ZC3H7B: variants seen among roughly 807,000 people sequenced by gnomAD.
ZC3H7B encodes zinc finger CCCH domain-containing protein 7B.
ZC3H7B carries 35 observed loss-of-function variants against 116.0 expected under a neutral mutation model. That is an observed-to-expected ratio of 0.30 (90% CI 0.23 to 0.40). The LOEUF is 0.40. Among genes scored for constraint, ZC3H7B ranks in the 10% least tolerant of loss-of-function variants. The pLI is 1.00. For missense variants in ZC3H7B, 1,011 were observed against 1,321.5 expected, an observed-to-expected ratio of 0.77 and a Z score of 3.64; for synonymous variants, 502 against 545.6, an observed-to-expected ratio of 0.92 and a Z score of 1.11.
In ZC3H7B at chr22:41,339,837, T is replaced by C. The variant is rs1388558457; in HGVS notation, c.838T>C (p.Ser280Pro). 4 of 1,605,764 alleles carry C rather than the reference T, an allele frequency of 2.5e-6. No homozygotes were observed. The Admixed American group carries it at 5.0e-5, about 20-fold the overall frequency. ...DSLSLVQGGLSGSGVPSELPQ... is the reference protein window; with the variant it reads ...DSLSLVQGGLPGSGVPSELPQ... Reference sequence around the variant, plus strand: ...ATAGTCTCTGGTCCAGGGTGGCCTGTCTGGCAGCGGCGTGCCTAGTGAGTT... The same window carrying C: ...ATAGTCTCTGGTCCAGGGTGGCCTGCCTGGCAGCGGCGTGCCTAGTGAGTT... The change falls in exon 10 of 23, where the codon TCT (serine) becomes CCT (proline). Residue 280 changes from serine (S) to proline (P), a missense_variant. Ser to Pro is a moderately conservative substitution (Grantham distance 74). Around this residue, in one of 5 missense-constraint regions of ZC3H7B, gnomAD observed 322 missense variants for 443.9 expected, o/e 0.73. Coordinates refer to ENST00000352645, the MANE Select transcript of ZC3H7B (RefSeq NM_017590.6).
At chr22:41,317,882 CT>C (rs1232744816) in intron 1 of ZC3H7B, among the ~76,000 whole-genome samples, 4 of 152,194 alleles carry the variant, frequency 2.6e-5, no homozygotes, top group Non-Finnish European at 4.4e-5. Context: ...GTTAATCAGG[CT>C]GCCTGATGCC....
intron 2 of ZC3H7B, among the ~76,000 whole-genome samples, chr22:41,321,878 C>T (rs1341111426): frequency 5.5e-5 from 6 of 109,534 alleles, no homozygotes; most frequent in South Asian, 6.3e-4. Context: ...CTCGCTCTGT[C>T]GCCCAGGCTG....
rs544549592 is a variant in ZC3H7B, at chr22:41,316,415, C to T, written c.-6-4240C>T. Among the ~76,000 whole-genome samples, 13 of 150,546 alleles carry T rather than the reference C, an allele frequency of 8.6e-5. No homozygotes were observed. In the South Asian group the frequency reaches 1.7e-3, roughly 19 times the overall value. On this transcript the variant is annotated intron_variant, in intron 1 of 22. Coordinates refer to ENST00000352645, the MANE Select transcript of ZC3H7B (RefSeq NM_017590.6). ...GGTTCAAGCAATTCTCCAGCATCACCGTCCGGAGAAGCTGGGATTACAGGC... is the reference window on the plus strand; with the variant it reads ...GGTTCAAGCAATTCTCCAGCATCACTGTCCGGAGAAGCTGGGATTACAGGC...
At chr22:41,318,781 G>A (rs181322614) in intron 1 of ZC3H7B, among the ~76,000 whole-genome samples, 30 of 152,080 alleles carry the variant, frequency 2.0e-4, no homozygotes, top group Admixed American at 1.7e-3. Flanking sequence ...TAATCTCTCT[G>A]ACCTTCCTAT....
intron 2 of ZC3H7B, among the ~76,000 whole-genome samples, chr22:41,322,128 C>T (rs1029414363): frequency 1.3e-5 from 2 of 151,530 alleles, no homozygotes; most frequent in African/African-American, 2.4e-5. Flanking sequence ...CGTGAGCCAC[C>T]GCGCCCGGCC....
intron 1 of ZC3H7B, among the ~76,000 whole-genome samples, chr22:41,313,320 C>T (rs908006100): frequency 1.3e-5 from 2 of 152,038 alleles, no homozygotes; most frequent in Non-Finnish European, 1.5e-5. Context: ...GGGGTTTCAC[C>T]GTGACGAGGT....
chr22:41,308,474 T>C (rs1281552857), intron 1 of ZC3H7B, among the ~76,000 whole-genome samples: 2 of 152,206 alleles, frequency 1.3e-5, no homozygotes, highest in South Asian at 4.1e-4. Flanking sequence ...ACTGATCCTG[T>C]CGAATCTGCA....
At chr22:41,318,610 A>G (rs566369032) in intron 1 of ZC3H7B, among the ~76,000 whole-genome samples, 1 of 150,980 alleles carries the variant, frequency 6.6e-6, no homozygotes, top group South Asian at 2.1e-4. Flanking sequence ...TTAGCGAGGC[A>G]TGGTGGCGCG....
chr22:41,319,113 A>G (rs1266289188), intron 1 of ZC3H7B, among the ~76,000 whole-genome samples: 1 of 152,136 alleles, frequency 6.6e-6, no homozygotes, highest in African/African-American at 2.4e-5. Flanking sequence ...TACTAAAAAT[A>G]CAAAAAGGCT....
At chr22:41,319,780 G>A (rs1166332989) in intron 1 of ZC3H7B, among the ~76,000 whole-genome samples, 1 of 152,130 alleles carries the variant, frequency 6.6e-6, no homozygotes, top group African/African-American at 2.4e-5. Flanking sequence ...TGTAATCCTA[G>A]CACTCTGGGG....
In ZC3H7B at chr22:41,356,769, C is replaced by G. The variant is rs543138343; in HGVS notation, c.2642C>G (p.Ala881Gly). Residue 881 changes from alanine to glycine, a missense_variant, in exon 22 of 23, where the codon GCC becomes GGC. Around this residue, in one of 5 missense-constraint regions of ZC3H7B, gnomAD observed 406 missense variants for 590.2 expected, o/e 0.69. Coordinates refer to ENST00000352645, the MANE Select transcript of ZC3H7B (RefSeq NM_017590.6). ...TCCGACAGTGACGCCAGCGGCTGGG[C>G]CTTCCGCTTCCCCATGGGCGAGTTC... ...FTSDSDASGW[A>G]FRFPMGEFRL... The G allele has an allele frequency of 3.1e-6, 5 of 1,613,538 alleles. No homozygotes were observed. The highest frequency in any genetic ancestry group is 2.2e-5 in the East Asian group (1 of 44,886).
Position 41,325,871 on chromosome 22 carries a change from C to G in ZC3H7B, c.238C>G (p.Leu80Val). ...ASDQVALPRE[L>V]LCKLHVNRAA... ...TGACCAGGTGGCCCTGCCCCGGGAG[C>G]TGCTGTGCAAGCTGCATGTCAATAG... Residue 80 changes from leucine (L) to valine (V), a missense_variant, in exon 4 of 23, where the codon CTG (leucine) becomes GTG (valine). Physicochemically the swap from Leu to Val is conservative, Grantham distance 32. Coordinates refer to ENST00000352645, the MANE Select transcript of ZC3H7B (RefSeq NM_017590.6). 6.2e-7 allele frequency: 1 copy of G among 1,611,704 alleles called. No homozygotes were observed. The highest frequency in any genetic ancestry group is 8.5e-7 in the Non-Finnish European group (1 of 1,179,514).
intron 9 of ZC3H7B, among the ~76,000 whole-genome samples, chr22:41,339,550 C>T (rs1014082693): frequency 2.0e-5 from 3 of 150,562 alleles, no homozygotes; most frequent in Non-Finnish European, 3.0e-5. Context: ...CGCTTGAACC[C>T]GGGAGGCGGA....
At chr22:41,311,164 G>A (rs575231927) in intron 1 of ZC3H7B, among the ~76,000 whole-genome samples, 7 of 150,752 alleles carry the variant, frequency 4.6e-5, no homozygotes, top group African/African-American at 1.2e-4. Context: ...TGGCATATGC[G>A]TTACACAGAT....
rs1186650971 is a variant in ZC3H7B, at chr22:41,316,595, C to G, written c.-6-4060C>G. The stretch of plus-strand genomic sequence containing the variant: ...AACAGCTGTAAGCCACCACACCTGG[C>G]CTTTTTTTTTTTTTTTTTTTTGAGA... On this transcript the variant is annotated intron_variant, in intron 1 of 22. Coordinates refer to ENST00000352645, the MANE Select transcript of ZC3H7B (RefSeq NM_017590.6). Among the ~76,000 whole-genome samples the G allele has an allele frequency of 3.8e-5, 4 of 104,316 alleles. 1 individual carries two copies. Among genetic ancestry groups the G allele is most frequent in the Admixed American group, 2.3e-4 (2 of 8,650 alleles). 68.4% of individuals were successfully genotyped at this position (104,316 alleles called of 152,430 possible).
At chr22:41,301,954 AT>A (rs1272986517) in intron 1 of ZC3H7B, among the ~76,000 whole-genome samples, 182 bp downstream of exon 1, 1 of 151,902 alleles carries the variant, frequency 6.6e-6, no homozygotes, top group African/African-American at 2.4e-5. Flanking sequence ...TTTGCAAAAA[AT>A]AAATCGTCTC....
Position 41,355,621 on chromosome 22 carries a change from G to C in ZC3H7B, c.2168+19G>C, listed in dbSNP as rs755345625. 3.7e-6 allele frequency: 6 copies of C among 1,613,722 alleles called. No homozygotes were observed. Among genetic ancestry groups the C allele is most frequent in the Middle Eastern group, 3.3e-4 (2 of 6,080 alleles). ...GGCACTGGTGAGTGGGATGCCAGGT[G>C]GGGGCTCAGGTGGGATGGGGCCACC... is the stretch of plus-strand genomic sequence containing the variant. On this transcript the variant is annotated intron_variant, in intron 18 of 22. Transcript: ENST00000352645.
Position 41,355,877 on chromosome 22 carries a change from G to T in ZC3H7B, c.2274+15G>T, listed in dbSNP as rs773259212. 6.2e-7 allele frequency: 1 copy of T among 1,612,966 alleles called. No individual in the cohort carries two copies. The highest frequency in any genetic ancestry group is 1.1e-5 in the South Asian group (1 of 90,982). On this transcript the variant is annotated intron_variant, in intron 19 of 22. Coordinates refer to ENST00000352645, the MANE Select transcript of ZC3H7B (RefSeq NM_017590.6). ...AGCAATACGATGTGAGCGCTGGGAT[G>T]GGGGGCTGGGGGTCCCCCAGGAGGC...
At position 41,302,826 on chromosome 22, in the gene ZC3H7B, C is replaced by G. The variant is rs1437928379; in HGVS notation, c.-7+1054C>G. Reference sequence around the variant, plus strand: ...GGAAGACTAGGGGGCTAGGGCCCTGCGTGGGGAGTCTGGGGGCTCTAAAAG... The same window carrying G: ...GGAAGACTAGGGGGCTAGGGCCCTGGGTGGGGAGTCTGGGGGCTCTAAAAG... On this transcript the variant is annotated intron_variant, in intron 1 of 22. Transcript: ENST00000352645. This position sits in a 1 kb window ranked among gnomAD's most constrained non-coding sequence, Gnocchi z 5.7. 1.3e-5 allele frequency among the ~76,000 whole-genome samples: 2 copies of G among 148,584 alleles called. No individual in the cohort carries two copies. The highest frequency in any genetic ancestry group is 2.5e-5 in the African/African-American group (1 of 40,268).
Sources: allele counts gnomAD v4.1 joint callset (sites outside exome capture counted in the v4.1 genomes callset), GRCh38; gene constraint gnomAD v4.1.1; regional missense constraint gnomAD v4.1.1; non-coding constraint Gnocchi (gnomAD v3.1); transcripts MANE v1.5; gene names NCBI Gene and HGNC (gene_info 2026-07-23, HGNC 2026-07-21).